Variants in TXNRD1 observed in about 807,000 individuals in gnomAD.
TXNRD1 encodes the protein thioredoxin reductase 1, also known as thioredoxin reductase 1, cytoplasmic.
TXNRD1 carries 57 observed loss-of-function variants against 80.3 expected under a neutral mutation model. The observed-to-expected ratio is 0.71, with a 90% CI of 0.57 to 0.89. The LOEUF (loss-of-function observed/expected upper bound fraction) is 0.89. TXNRD1 is among the 40% of genes least tolerant of loss of function. TXNRD1 has a pLI of 0.00. For synonymous variants in TXNRD1, 291 were observed against 285.2 expected, an observed-to-expected ratio of 1.02 and a Z score of -0.20; for missense variants, 730 against 803.0, an observed-to-expected ratio of 0.91 and a Z score of 1.10.
At chr12:104,343,606 C>G (rs1206682175) in intron 16 of TXNRD1, among the ~76,000 whole-genome samples, 1 of 152,084 alleles carries the variant, frequency 6.6e-6, no homozygotes, top group Admixed American at 6.6e-5. Flanking sequence ...TTGAGACCAG[C>G]CTGGCCACAT....
chr12:104,295,857 C>T (rs1165543300), intron 4 of TXNRD1, among the ~76,000 whole-genome samples: 3 of 152,078 alleles, frequency 2.0e-5, no homozygotes, highest in Admixed American at 6.6e-5. Flanking sequence ...GCCTGTGGTC[C>T]CAGGCATATG....
chr12:104,300,552 T>A (rs1466236517), intron 4 of TXNRD1, among the ~76,000 whole-genome samples: 1 of 152,228 alleles, frequency 6.6e-6, no homozygotes, highest in African/African-American at 2.4e-5. Flanking sequence ...GGTTAGGAAA[T>A]CACTGTTTAA....
chr12:104,220,955 A>G (rs976676713), intron 1 of TXNRD1, among the ~76,000 whole-genome samples: 3 of 152,070 alleles, frequency 2.0e-5, no homozygotes, highest in African/African-American at 7.2e-5. Flanking sequence ...ACTATCACAA[A>G]TCACTCTTTG....
At chr12:104,293,817 A>G (rs1464919859) in intron 4 of TXNRD1, among the ~76,000 whole-genome samples, 1 of 152,176 alleles carries the variant, frequency 6.6e-6, no homozygotes, top group Admixed American at 6.5e-5. Flanking sequence ...GTGGCCCCGA[A>G]TGTCGGGCTG....
chr12:104,334,258 C>G lies in TXNRD1; in HGVS notation c.1672C>G (p.Pro558Ala). The G allele has an allele frequency of 2.6e-6, 4 of 1,525,114 alleles. No individual in the cohort carries two copies. The highest frequency in any genetic ancestry group is 3.5e-6 in the Non-Finnish European group (4 of 1,133,164). 94.5% of individuals were successfully genotyped at this position (1,525,114 alleles called of 1,614,324 possible). A position where few individuals can be genotyped will look rare whatever the true frequency, so the allele number is the denominator to read the frequency against. ...TTAGGTTTACCATAGTTACTTTTGG[C>G]CATTGGAATGGACGATTCCGTCAAG... ...NIEVYHSYFWPLEWTIPSRDN... is the reference protein window; with the variant it reads ...NIEVYHSYFWALEWTIPSRDN... The change falls in exon 15 of 17, where the codon CCA (proline) becomes GCA (alanine). Residue 558 changes from proline (P) to alanine (A), a missense_variant. Transcript: ENST00000525566.
At chr12:104,342,315 G>A (rs895254228) in intron 16 of TXNRD1, among the ~76,000 whole-genome samples, 4 of 152,034 alleles carry the variant, frequency 2.6e-5, no homozygotes, top group African/African-American at 9.7e-5. Context: ...CATAAGCTCA[G>A]GTGTGGTTGA....
At chr12:104,260,025 G>A (rs2033332196) in intron 3 of TXNRD1, among the ~76,000 whole-genome samples, 1 of 152,202 alleles carries the variant, frequency 6.6e-6, no homozygotes, top group Non-Finnish European at 1.5e-5. Flanking sequence ...TTGAATCCCA[G>A]AGAAGTCAAT....
intron 2 of TXNRD1, among the ~76,000 whole-genome samples, chr12:104,253,425 G>A (rs554363483): frequency 6.6e-6 from 1 of 151,238 alleles, no homozygotes; most frequent in African/African-American, 2.4e-5. Flanking sequence ...GCTCAACTGA[G>A]GGCAGAACAT....
intron 2 of TXNRD1, among the ~76,000 whole-genome samples, chr12:104,253,521 A>T (rs945594665): frequency 1.3e-5 from 2 of 152,296 alleles, no homozygotes; most frequent in African/African-American, 4.8e-5. Context: ...AATTTAGAAG[A>T]GGGCTGGGCA....
intron 16 of TXNRD1, 43 bp from the exon 17 acceptor site, chr12:104,348,310 T>C (rs748939574): frequency 1.2e-5 from 19 of 1,597,480 alleles, no homozygotes; most frequent in Non-Finnish European, 1.6e-5. Context: ...TTACCTCATT[T>C]GCTCAGGCAT....
chr12:104,308,250 C>T (rs1306444192), intron 4 of TXNRD1, among the ~76,000 whole-genome samples: 1 of 152,178 alleles, frequency 6.6e-6, no homozygotes, highest in African/African-American at 2.4e-5. Context: ...CCGCCTTGGC[C>T]TCTCAAAGTG....
chr12:104,341,383 G>T (rs1053654420), intron 16 of TXNRD1, among the ~76,000 whole-genome samples: 1 of 152,176 alleles, frequency 6.6e-6, no homozygotes, highest in Non-Finnish European at 1.5e-5. Flanking sequence ...ACACAGTGCC[G>T]TGCTGGACAC....
intron 1 of TXNRD1, among the ~76,000 whole-genome samples, chr12:104,228,722 C>CT (rs2032533740): frequency 6.6e-6 from 1 of 152,002 alleles, no homozygotes; most frequent in Non-Finnish European, 1.5e-5. Context: ...AGAACATTTT[C>CT]TTTTCTTTTT....
At chr12:104,321,892 G>T (rs527749007) in intron 10 of TXNRD1, among the ~76,000 whole-genome samples, 1 of 152,146 alleles carries the variant, frequency 6.6e-6, no homozygotes, top group Non-Finnish European at 1.5e-5. Flanking sequence ...ATATATGAGT[G>T]ACAAAATTGA....
At chr12:104,345,485 A>G (rs1451693893) in intron 16 of TXNRD1, among the ~76,000 whole-genome samples, 1 of 152,236 alleles carries the variant, frequency 6.6e-6, no homozygotes, top group Non-Finnish European at 1.5e-5. Context: ...GAATTGCTGT[A>G]AGAGGAGAGG....
In TXNRD1 at chr12:104,255,719, G is replaced by A. The variant is rs572611483; in HGVS notation, c.244-2300G>A. On this transcript the variant is annotated intron_variant, in intron 2 of 16. Transcript: ENST00000525566. Reference sequence around the variant, plus strand: ...GAGGCAGGAGAATTGCTTGAACCCGGGAGGCAGAGGTTGCAGTGAGCCAAG... The same window carrying A: ...GAGGCAGGAGAATTGCTTGAACCCGAGAGGCAGAGGTTGCAGTGAGCCAAG... Among the ~76,000 whole-genome samples the A allele has an allele frequency of 3.5e-3, 533 of 152,206 alleles. 4 individuals are homozygous for A. The highest frequency in any genetic ancestry group is 6.8e-3 in the Middle Eastern group (2 of 294).
chr12:104,307,238 T>G (rs575519543), intron 4 of TXNRD1, among the ~76,000 whole-genome samples: 1 of 152,226 alleles, frequency 6.6e-6, no homozygotes, highest in Non-Finnish European at 1.5e-5. Context: ...TGCTTGTTTC[T>G]TGCTAATACG....
chr12:104,325,374 G>C lies in TXNRD1; in HGVS notation c.1253G>C (p.Arg418Thr). 1 of 1,613,522 alleles carries C rather than the reference G, an allele frequency of 6.2e-7. No individual in the cohort carries two copies. Among genetic ancestry groups the C allele is most frequent in the South Asian group, 1.1e-5 (1 of 90,902 alleles). The change falls in exon 11 of 17, where the codon AGA (arginine) becomes ACA (threonine). Residue 418 changes from arginine to threonine, a missense_variant. Physicochemically the swap from Arg to Thr is moderately conservative, Grantham distance 71. Coordinates refer to ENST00000525566, the MANE Select transcript of TXNRD1 (RefSeq NM_001093771.3). ...GAAGCAGGGACACCAGGCCGACTCA[G>C]AGTAGTAGCTCAGTCCACCAATAGT... Reference protein sequence around the residue: ...QIEAGTPGRLRVVAQSTNSEE... With the variant: ...QIEAGTPGRLTVVAQSTNSEE...
intron 3 of TXNRD1, chr12:104,262,410 A>G (rs2033386695): frequency 6.6e-6 from 1 of 152,128 alleles, no homozygotes; most frequent in African/African-American, 2.4e-5. Flanking sequence ...GATCTGGTTC[A>G]TGTCTTCGAG....
Sources: allele counts gnomAD v4.1 joint callset (sites outside exome capture counted in the v4.1 genomes callset), GRCh38; gene constraint gnomAD v4.1.1; transcripts MANE v1.5; gene names NCBI Gene and HGNC (gene_info 2026-07-23, HGNC 2026-07-21).